The following KANSL1 variants were observed in gnomAD, a reference collection of about 807,000 sequenced individuals.
KANSL1 encodes KAT8 regulatory NSL complex subunit 1, also known as MLL1/MLL complex subunit KANSL1.
Under a neutral mutation model 103.6 loss-of-function variants are expected in KANSL1, and 22 were observed. The ratio of observed to expected loss-of-function variants is 0.21; its 90% CI spans 0.15 to 0.30. KANSL1 has a LOEUF of 0.30. Among genes scored for constraint, KANSL1 ranks in the 10% least tolerant of loss-of-function variants. KANSL1 has a pLI of 1.00. For synonymous variants in KANSL1, 600 were observed against 527.6 expected, an observed-to-expected ratio of 1.14 and a Z score of -1.88; for missense variants, 1,337 against 1,399.8, an observed-to-expected ratio of 0.96 and a Z score of 0.72.
upstream of KANSL1, chr17:46,196,485 G>A: frequency 4.4e-6 from 2 of 455,058 alleles, no homozygotes; most frequent in Non-Finnish European, 8.8e-6. Context: ...TCCTCAGACA[G>A]TGACACCTCA....
chr17:46,184,039 T>C (rs2046910966), intron 1 of KANSL1, among the ~76,000 whole-genome samples: 1 of 152,228 alleles, frequency 6.6e-6, no homozygotes. Context: ...TCCTCAACAT[T>C]GTCTATTTGA....
At chr17:46,168,335 T>C (rs1049644734) in intron 2 of KANSL1, among the ~76,000 whole-genome samples, 2 of 152,072 alleles carry the variant, frequency 1.3e-5, no homozygotes, top group Non-Finnish European at 2.9e-5. Context: ...TTACTGGTGG[T>C]TTTAGTTTAA....
intron 1 of KANSL1, among the ~76,000 whole-genome samples, chr17:46,175,579 A>C (rs1287029442): frequency 1.3e-5 from 2 of 152,100 alleles, no homozygotes; most frequent in Non-Finnish European, 2.9e-5. Flanking sequence ...CAAACTCCTG[A>C]CCTCAGGTGA....
intron 6 of KANSL1, among the ~76,000 whole-genome samples, chr17:46,056,062 G>A (rs185002644): frequency 8.5e-5 from 13 of 152,188 alleles, no homozygotes; most frequent in African/African-American, 1.2e-4. Flanking sequence ...GCAATGGTGC[G>A]ATCTCGGCTC....
In KANSL1 at chr17:46,171,867, T is replaced by C. The variant is rs752219095; in HGVS notation, c.277A>G (p.Lys93Glu). The change falls in exon 2 of 15, where the codon AAG becomes GAG. Residue 93 changes from lysine (K) to glutamate (E), a missense_variant. Around this residue, in one of 2 missense-constraint regions of KANSL1, gnomAD observed 557 missense variants for 476.4 expected, o/e 1.17. Coordinates refer to ENST00000432791, the MANE Select transcript of KANSL1 (RefSeq NM_015443.4). Reference protein sequence around the residue: ...LCSDVTSVPSKESLKLQGVFS... With the variant: ...LCSDVTSVPSEESLKLQGVFS... ...ACCCCTTGCAACTTCAAAGACTCCTTTGAGGGAACAGATGTTACATCAGAG... is the reference window on the plus strand; with the variant it reads ...ACCCCTTGCAACTTCAAAGACTCCTCTGAGGGAACAGATGTTACATCAGAG... 5 of 1,614,218 alleles carry C rather than the reference T, an allele frequency of 3.1e-6. No individual in the cohort carries two copies. The highest frequency in any genetic ancestry group is 2.2e-5 in the East Asian group (1 of 44,890).
chr17:46,219,114 A>G (rs1256987098), intron 1 of KANSL1, among the ~76,000 whole-genome samples: 2 of 151,834 alleles, frequency 1.3e-5, no homozygotes, highest in Non-Finnish European at 2.9e-5. Context: ...TAAAAAAAAA[A>G]TTAGCTGGCC....
chr17:46,176,470 C>G (rs575567073), intron 1 of KANSL1, among the ~76,000 whole-genome samples: 90 of 152,324 alleles, frequency 5.9e-4, no homozygotes, highest in African/African-American at 2.1e-3. Flanking sequence ...GCAGGCGTAT[C>G]ACCTGAGGTC....
intron 1 of KANSL1, among the ~76,000 whole-genome samples, chr17:46,216,065 T>C (rs1261170538): frequency 1.3e-5 from 2 of 151,474 alleles, no homozygotes; most frequent in East Asian, 3.9e-4. Flanking sequence ...AATAAAAAAA[T>C]AAAATAAAAT....
At chr17:46,200,830 T>C (rs1005909703) in intron 1 of KANSL1, among the ~76,000 whole-genome samples, 1 of 152,142 alleles carries the variant, frequency 6.6e-6, no homozygotes, top group Non-Finnish European at 1.5e-5. Flanking sequence ...TCTGATGGCA[T>C]GGCAAACCTA....
At chr17:46,168,405 T>G (rs1306841974) in intron 2 of KANSL1, among the ~76,000 whole-genome samples, 1 of 151,994 alleles carries the variant, frequency 6.6e-6, no homozygotes, top group Admixed American at 6.6e-5. Context: ...TGGAGGGCAA[T>G]GGTGCGATCT....
intron 1 of KANSL1, among the ~76,000 whole-genome samples, chr17:46,178,550 A>C (rs1253681874): frequency 6.6e-6 from 1 of 152,258 alleles, no homozygotes; most frequent in Non-Finnish European, 1.5e-5. Context: ...ACAAATTGAG[A>C]TTCTGCAGTA....
intron 7 of KANSL1, chr17:46,041,190 T>G (rs566501977): frequency 5.5e-4 from 84 of 152,350 alleles, no homozygotes; most frequent in African/African-American, 1.9e-3. Flanking sequence ...ATAGACTTTT[T>G]CTTGTTTATT....
chr17:46,174,188 ATG>A (rs72149400), intron 1 of KANSL1, among the ~76,000 whole-genome samples: 21,958 of 151,862 alleles, frequency 0.14, 2,136 homozygotes, highest in Non-Finnish European at 0.22. Flanking sequence ...GTGGGTGTGG[ATG>A]TGTGTGTGTG....
intron 3 of KANSL1, chr17:46,093,403 A>C (rs1034511925): frequency 5.2e-5 from 8 of 152,534 alleles, no homozygotes; most frequent in African/African-American, 1.9e-4. Flanking sequence ...AAGGGAACAA[A>C]CTAGTAAGAA....
At chr17:46,137,223 TATTCTC>T (rs1452999137) in intron 2 of KANSL1, among the ~76,000 whole-genome samples, 6 of 152,220 alleles carry the variant, frequency 3.9e-5, no homozygotes, top group African/African-American at 1.4e-4. Context: ...CCTACTCACT[TATTCTC>T]TATTCATCCT....
intron 2 of KANSL1, among the ~76,000 whole-genome samples, chr17:46,143,883 T>G (rs989854126): frequency 6.6e-6 from 1 of 151,716 alleles, no homozygotes; most frequent in Non-Finnish European, 1.5e-5. Flanking sequence ...CCAGATTGGT[T>G]GAGTGATATC....
intron 2 of KANSL1, among the ~76,000 whole-genome samples, chr17:46,147,289 A>G (rs919238193): frequency 5.9e-5 from 9 of 152,216 alleles, no homozygotes; most frequent in African/African-American, 1.7e-4. Flanking sequence ...AAAAACGTCA[A>G]CCAGACTGGG....
chr17:46,082,578 G>C (rs772923943), intron 3 of KANSL1, 36 bp from the exon 4 acceptor site: 1 of 1,262,988 alleles, frequency 7.9e-7, no homozygotes, highest in Non-Finnish European at 1.1e-6. Context: ...GCATAAGTGA[G>C]CAGTATAAAC....
intron 4 of KANSL1, among the ~76,000 whole-genome samples, chr17:46,073,938 G>C (rs916982511): frequency 3.9e-5 from 6 of 152,062 alleles, no homozygotes; most frequent in Admixed American, 6.6e-5. Flanking sequence ...TGTTGAACTG[G>C]TATGAACTTA....
Sources: allele counts gnomAD v4.1 joint callset (sites outside exome capture counted in the v4.1 genomes callset), GRCh38; gene constraint gnomAD v4.1.1; regional missense constraint gnomAD v4.1.1; transcripts MANE v1.5; gene names NCBI Gene and HGNC (gene_info 2026-07-23, HGNC 2026-07-21).